Variants in B3GAT2 observed in about 807,000 individuals in gnomAD.
B3GAT2 encodes galactosylgalactosylxylosylprotein 3-beta-glucuronosyltransferase 2.
In B3GAT2, 26 loss-of-function variants were observed where a neutral mutation model predicts 27.8. The ratio of observed to expected loss-of-function variants is 0.93; its 90% confidence interval spans 0.68 to 1.30. B3GAT2 has a LOEUF of 1.30. Ranked by LOEUF, B3GAT2 falls within the 50% of genes most tolerant of loss-of-function variation. The pLI, the probability that B3GAT2 is intolerant of heterozygous loss-of-function variation, is 0.00. For missense variants in B3GAT2, 458 were observed against 459.0 expected (o/e 1.00, Z 0.02); for synonymous variants, 218 against 195.1 (o/e 1.12, Z -0.98).
At chr6:70,940,058 G>T (rs975027590) in intron 1 of B3GAT2, among the ~76,000 whole-genome samples, 11 of 151,968 alleles carry the variant, frequency 7.2e-5, no homozygotes, top group African/African-American at 2.4e-4. Flanking sequence ...AACTGAAATG[G>T]AGGGTACAGG....
chr6:70,924,197 C>A (rs1207277194), intron 1 of B3GAT2, among the ~76,000 whole-genome samples: 3 of 152,088 alleles, frequency 2.0e-5, no homozygotes, highest in Non-Finnish European at 2.9e-5. Flanking sequence ...CATAAATAAA[C>A]TTAACCAAGG....
chr6:70,908,397 A>C (rs1030735814), intron 1 of B3GAT2, among the ~76,000 whole-genome samples: 13 of 152,170 alleles, frequency 8.5e-5, no homozygotes, highest in African/African-American at 3.1e-4. Flanking sequence ...CCCATTAGTA[A>C]AGCGCTAAAA....
intron 2 of B3GAT2, among the ~76,000 whole-genome samples, chr6:70,883,569 G>A (rs1772133006): frequency 6.6e-6 from 1 of 152,132 alleles, no homozygotes; most frequent in Admixed American, 6.5e-5. Context: ...GCTGAGGGGA[G>A]GGGCAAGTCA....
chr6:70,859,688 C>CT lies in B3GAT2; in HGVS notation c.*1974dup, dbSNP rs1183776823. On this transcript the variant is annotated 3_prime_UTR_variant, in exon 4 of 4. Coordinates refer to ENST00000230053, the MANE Select transcript of B3GAT2 (RefSeq NM_080742.3). ...AGTCTTGAAGAAAAATACATGTAATCTTATGCTTTATTGCATACAATGAAA... is the reference window on the plus strand; with the variant it reads ...AGTCTTGAAGAAAAATACATGTAATCTTTATGCTTTATTGCATACAATGAAA... 4.3e-6 allele frequency: 1 copy of CT among 230,452 alleles called. No homozygotes were observed. The allele number at this position is 230,452 out of a possible 1,614,324, so 14.3% of individuals were successfully genotyped here.
intron 1 of B3GAT2, among the ~76,000 whole-genome samples, chr6:70,917,377 G>A (rs2150040864): frequency 6.6e-6 from 1 of 151,442 alleles, no homozygotes; most frequent in African/African-American, 2.4e-5. Flanking sequence ...TTTTTTTAAG[G>A]GTTTTTTGTG....
At chr6:70,882,465 C>A (rs1365867379) in intron 2 of B3GAT2, among the ~76,000 whole-genome samples, 1 of 152,108 alleles carries the variant, frequency 6.6e-6, no homozygotes, top group African/African-American at 2.4e-5. Flanking sequence ...CATGCCACTG[C>A]ACTCCAGCCT....
At position 70,956,327 on chromosome 6, in the gene B3GAT2, T is replaced by C. The variant is rs1297459149; in HGVS notation, c.103A>G (p.Thr35Ala). Residue 35 changes from threonine (T) to alanine (A), a missense_variant, in exon 1 of 4, where the codon ACC becomes GCC. By Grantham distance (58) the Thr-to-Ala change is moderately conservative. Transcript: ENST00000230053. ...TAGGGAGAGAAGTAGGGGCGCGGGG[T>C]GAGCGGGGGCACTGGCCTGCGCGTG... The part of the protein sequence containing the change: ...VDTRRPVPPL[T>A]PRPYFSPYAV... 18 of 1,582,088 alleles carry C rather than the reference T, an allele frequency of 1.1e-5. No homozygotes were observed. The Admixed American group carries it at 3.1e-4, about 28-fold the overall frequency.
chr6:70,919,654 C>T (rs532244339), intron 1 of B3GAT2, among the ~76,000 whole-genome samples: 1 of 152,284 alleles, frequency 6.6e-6, no homozygotes, highest in East Asian at 1.9e-4. Flanking sequence ...CAGACAGTCC[C>T]CTCAGCTGCA....
intron 2 of B3GAT2, among the ~76,000 whole-genome samples, chr6:70,886,567 C>T (rs933328484): frequency 6.6e-6 from 1 of 152,092 alleles, no homozygotes; most frequent in Admixed American, 6.5e-5. Context: ...CCCGTCTCCC[C>T]ACTTCCCCTT....
chr6:70,879,480 G>GATTCATTCATTC (rs140959014), intron 2 of B3GAT2, among the ~76,000 whole-genome samples: 8,600 of 151,628 alleles, frequency 0.057, 460 homozygotes, highest in African/African-American at 0.14. Context: ...CTAAACTTAG[G>GATTCATTCATTC]ATTCATTCAT....
intron 2 of B3GAT2, among the ~76,000 whole-genome samples, chr6:70,884,716 C>T (rs571979916): frequency 2.0e-5 from 3 of 152,212 alleles, no homozygotes; most frequent in Non-Finnish European, 4.4e-5. Flanking sequence ...GCTAGGCAAA[C>T]GTGAGAAGAA....
At chr6:70,936,193 G>C (rs934847030) in intron 1 of B3GAT2, among the ~76,000 whole-genome samples, 1 of 152,072 alleles carries the variant, frequency 6.6e-6, no homozygotes, top group African/African-American at 2.4e-5. Flanking sequence ...AATTCAACAA[G>C]AAGAGCTAAC....
intron 2 of B3GAT2, among the ~76,000 whole-genome samples, chr6:70,876,666 G>T (rs1407994381): frequency 6.6e-6 from 1 of 152,048 alleles, no homozygotes; most frequent in Non-Finnish European, 1.5e-5. Context: ...CAATCTAAAG[G>T]ATGTTATCTT....
intron 1 of B3GAT2, among the ~76,000 whole-genome samples, chr6:70,895,335 G>C (rs555739169): frequency 1.3e-5 from 2 of 152,044 alleles, no homozygotes; most frequent in South Asian, 4.2e-4. Context: ...ATCAACCAAG[G>C]AATTTTTTAT....
intron 1 of B3GAT2, among the ~76,000 whole-genome samples, chr6:70,942,382 C>A (rs1185872442): frequency 6.6e-6 from 1 of 152,168 alleles, no homozygotes; most frequent in Non-Finnish European, 1.5e-5. Context: ...AGCCTCTTGC[C>A]ATCAAGAACA....
rs1010819317 is a variant in B3GAT2 at position 70,861,053 on chromosome 6, T to C, written c.*610A>G. 2 of 220,364 alleles carry C rather than the reference T, an allele frequency of 9.1e-6. No homozygotes were observed. Among genetic ancestry groups the C allele is most frequent in the African/African-American group, 2.3e-5 (1 of 44,386 alleles). The allele number at this position is 220,364 out of a possible 1,614,324, so 13.7% of individuals were successfully genotyped here. ...GTAACTAACTAAAACAAAGCCACTT[T>C]CAATCTTCAATCCTTGAAGGTATAT... On this transcript the variant is annotated 3_prime_UTR_variant, in exon 4 of 4. Coordinates refer to ENST00000230053, the MANE Select transcript of B3GAT2 (RefSeq NM_080742.3).
chr6:70,919,003 T>C (rs1309462249), intron 1 of B3GAT2, among the ~76,000 whole-genome samples: 1 of 152,246 alleles, frequency 6.6e-6, no homozygotes, highest in African/African-American at 2.4e-5. Context: ...ATAACCTGGT[T>C]CCATTCTCCC....
intron 1 of B3GAT2, among the ~76,000 whole-genome samples, chr6:70,913,358 T>A (rs969697628): frequency 5.9e-5 from 9 of 152,094 alleles, no homozygotes; most frequent in African/African-American, 1.9e-4. Context: ...TTGGTATATT[T>A]TATCTTTATT....
intron 1 of B3GAT2, among the ~76,000 whole-genome samples, chr6:70,896,025 A>G (rs1478466847): frequency 1.3e-5 from 2 of 152,304 alleles, no homozygotes; most frequent in East Asian, 3.9e-4. Flanking sequence ...GCACTGAACA[A>G]CTGCTTTCCT....
Sources: gnomAD v4.1 joint callset for allele counts (sites outside exome capture counted in the v4.1 genomes callset) on GRCh38, gnomAD v4.1.1 for gene constraint, MANE v1.5 for transcripts, NCBI Gene and HGNC (gene_info 2026-07-23, HGNC 2026-07-21) for gene names.